Variants in PIK3C2B observed in about 807,000 individuals in gnomAD.
PIK3C2B encodes phosphatidylinositol 4-phosphate 3-kinase C2 domain-containing subunit beta.
In PIK3C2B, 83 loss-of-function variants were observed where a neutral mutation model predicts 184.3. The observed-to-expected ratio is 0.45, with a 90% CI of 0.38 to 0.54. The LOEUF (loss-of-function observed/expected upper bound fraction) is 0.54. PIK3C2B is among the 20% of genes least tolerant of loss of function. The pLI is 0.00. For missense variants in PIK3C2B, 1,736 were observed against 2,113.5 expected (o/e 0.82, Z 3.50); for synonymous variants, 779 against 837.6 (o/e 0.93, Z 1.21).
At chr1:204,444,581 C>T (rs1447936908) in intron 16 of PIK3C2B, among the ~76,000 whole-genome samples, 157 bp from the exon 17 acceptor site, 1 of 152,198 alleles carries the variant, frequency 6.6e-6, no homozygotes, top group East Asian at 1.9e-4. Flanking sequence ...TAGCAACTTC[C>T]CTGGATAGCA....
intron 10 of PIK3C2B, chr1:204,456,331 A>T (rs570688859): frequency 3.2e-6 from 1 of 314,084 alleles, no homozygotes; most frequent in African/African-American, 2.1e-5. Flanking sequence ...TTTAGGAAAC[A>T]GTGTTAATAA....
At position 204,486,896 on chromosome 1, in the gene PIK3C2B, C is replaced by A. The variant is rs528391100; in HGVS notation, c.-85+7460G>T. 5.5e-4 allele frequency among the ~76,000 whole-genome samples: 84 copies of A among 152,296 alleles called. 1 individual carries two copies. The Middle Eastern group carries it at 0.014, about 25-fold the overall frequency. On this transcript the variant is annotated intron_variant, in intron 1 of 32. Transcript: ENST00000684373. ...AATCTCCGCTCACTGCAATCTCCAC[C>A]TCCTGGATTCAAGCAATTATCCTGC...
intron 1 of PIK3C2B, among the ~76,000 whole-genome samples, chr1:204,479,581 T>C (rs772535083): frequency 6.6e-6 from 1 of 152,200 alleles, no homozygotes; most frequent in Non-Finnish European, 1.5e-5. Context: ...ACAAAGGTCC[T>C]CTGAAAGAGG....
intron 2 of PIK3C2B, among the ~76,000 whole-genome samples, chr1:204,467,788 T>C (rs1489846188): frequency 3.1e-5 from 4 of 130,930 alleles, no homozygotes; most frequent in African/African-American, 1.2e-4. Flanking sequence ...TGAGCCAAGA[T>C]AGCGCCACTG....
rs1361242361 is a variant in PIK3C2B, at chr1:204,469,476, T to A, written c.327A>T (p.Gln109His). 1 of 1,605,140 alleles carries A rather than the reference T, an allele frequency of 6.2e-7. No homozygotes were observed. Among genetic ancestry groups the A allele is most frequent in the South Asian group, 1.1e-5 (1 of 89,356 alleles). The change falls in exon 2 of 33, where the codon CAA becomes CAT. Residue 109 changes from glutamine to histidine, a missense_variant. By Grantham distance (24) the Gln-to-His change is conservative. Transcript: ENST00000684373. ...AGGGATCTGAGCCAGGCTGTGGCCC[T>A]TGGGAGGTAGAGTGGTTGGGCGGCC... Reference protein sequence around the residue: ...QEGPPNHSTSQGPQPGSDPWP... With the variant: ...QEGPPNHSTSHGPQPGSDPWP...
Position 204,433,109 on chromosome 1 carries a change from AAC to A in PIK3C2B, c.3953+205_3953+206del, listed in dbSNP as rs1342425571. On this transcript the variant is annotated intron_variant, in intron 26 of 32. Coordinates refer to ENST00000684373, the MANE Select transcript of PIK3C2B (RefSeq NM_001377334.1). The surrounding 1 kb of genome is among the most constrained non-coding windows in gnomAD (Gnocchi z 5.0). ...CCTTGTGTGCAAAGGTTAGCACCAA[AAC>A]ACAGATGGGAAACCAAGGCTGAGAG... Among the ~76,000 whole-genome samples the A allele has an allele frequency of 6.6e-6, 1 of 152,250 alleles. No homozygotes were observed. Among genetic ancestry groups the A allele is most frequent in the Non-Finnish European group, 1.5e-5 (1 of 68,044 alleles).
intron 16 of PIK3C2B, among the ~76,000 whole-genome samples, chr1:204,445,534 C>T (rs1255942396): frequency 3.4e-5 from 5 of 147,820 alleles, no homozygotes; most frequent in Non-Finnish European, 7.4e-5. Flanking sequence ...CCCAGGAGGT[C>T]GAGGCTGCAG....
chr1:204,444,758 C>T (rs1653705163), intron 16 of PIK3C2B, among the ~76,000 whole-genome samples: 1 of 152,204 alleles, frequency 6.6e-6, no homozygotes, highest in Admixed American at 6.5e-5. Flanking sequence ...AAATTCCTGC[C>T]ATTGGAGGGC....
In PIK3C2B at chr1:204,444,137, T is replaced by C; in HGVS notation, c.2798A>G (p.Asp933Gly). 1 of 1,613,694 alleles carries C rather than the reference T, an allele frequency of 6.2e-7. No individual in the cohort carries two copies. The highest frequency in any genetic ancestry group is 8.5e-7 in the Non-Finnish European group (1 of 1,179,534). ...CAGGAGGAAGCGCACCAACGGGCTGTCCAGGTAGCATTCATACTTCAGGGC... is the reference window on the plus strand; with the variant it reads ...CAGGAGGAAGCGCACCAACGGGCTGCCCAGGTAGCATTCATACTTCAGGGC... ...VQALKYECYL[D>G]SPLVRFLLKR... The change falls in exon 18 of 33, where the codon GAC becomes GGC. Residue 933 changes from aspartate (D) to glycine (G), a missense_variant. Asp to Gly is a moderately conservative substitution (Grantham distance 94, BLOSUM62 -1). Transcript: ENST00000684373.
At chr1:204,446,755 G>A (rs1245718971) in intron 15 of PIK3C2B, among the ~76,000 whole-genome samples, 3 of 152,120 alleles carry the variant, frequency 2.0e-5, no homozygotes, top group African/African-American at 7.2e-5. Context: ...GTCTGCGGTC[G>A]CTCAGCTACT....
At chr1:204,476,156 C>G (rs1189507349) in intron 1 of PIK3C2B, among the ~76,000 whole-genome samples, 10 of 152,166 alleles carry the variant, frequency 6.6e-5, no homozygotes, top group African/African-American at 2.2e-4. Flanking sequence ...AAAATTCAAG[C>G]CCTAGATTTC....
At chr1:204,429,876 T>G in intron 29 of PIK3C2B, 45 bp downstream of exon 29, 1 of 1,291,186 alleles carries the variant, frequency 7.7e-7, no homozygotes, top group Non-Finnish European at 1.1e-6. Flanking sequence ...TCCCCAACCA[T>G]CCCCACCAGC....
Position 204,441,536 on chromosome 1 carries a change from C to T in PIK3C2B, c.3184G>A (p.Val1062Ile). The T allele has an allele frequency of 3.1e-6, 5 of 1,612,980 alleles. No homozygotes were observed. The highest frequency in any genetic ancestry group is 3.4e-6 in the Non-Finnish European group (4 of 1,179,014). ...RDCSYFNSNA[V>I]PLKLSFQNVD... ...TTTTGGAAGGAGAGTTTGAGGGGGA[C>T]AGCATTGGAGTTGAAGTAGGAACAG... The change falls in exon 21 of 33, where the codon GTC becomes ATC. Residue 1062 changes from valine to isoleucine, a missense_variant. This residue lies in a region of PIK3C2B where 289 missense variants were observed against 380.4 expected (regional missense o/e 0.76). Coordinates refer to ENST00000684373, the MANE Select transcript of PIK3C2B (RefSeq NM_001377334.1).
chr1:204,480,020 G>A (rs141983957), intron 1 of PIK3C2B, among the ~76,000 whole-genome samples: 15 of 152,260 alleles, frequency 9.9e-5, no homozygotes, highest in Non-Finnish European at 1.8e-4. Flanking sequence ...CACTGGGCTC[G>A]GCGGGGCCGG....
Position 204,429,578 on chromosome 1 carries a change from TA to T in PIK3C2B, c.4398+342del, listed in dbSNP as rs200720649. Among the ~76,000 whole-genome samples, 14 of 151,852 alleles carry T rather than the reference TA, an allele frequency of 9.2e-5. No homozygotes were observed. In the South Asian group the frequency reaches 2.5e-3, roughly 27 times the overall value. ...TAGGGCCATTATACTACTATTTGTTTAAAAAAAAATCTAGGTTGATAATACA... is the reference window on the plus strand; with the variant it reads ...TAGGGCCATTATACTACTATTTGTTTAAAAAAAATCTAGGTTGATAATACA... On this transcript the variant is annotated intron_variant, in intron 29 of 32. Transcript: ENST00000684373.
rs1349741919 is a variant in PIK3C2B at position 204,472,860 on chromosome 1, T to A, written c.-84-2974A>T. Among the ~76,000 whole-genome samples the A allele has an allele frequency of 1.3e-5, 2 of 152,162 alleles. 1 individual carries two copies. The highest frequency in any genetic ancestry group is 1.3e-4 in the Admixed American group (2 of 15,272). ...TCTGTGGTAGGGTAATGGTATTTTT[T>A]AAAAACTCCCCAGGAGATTCTAATG... is the stretch of plus-strand genomic sequence containing the variant. On this transcript the variant is annotated intron_variant, in intron 1 of 32. Transcript: ENST00000684373.
In PIK3C2B at chr1:204,442,444, G is replaced by A. The variant is rs1417749025; in HGVS notation, c.3156+82C>T. ...TGACGCCCAGACAACTCAGCTCCTCGACCTTGCATGCCTGGTTAGTGAAGA... is the reference window on the plus strand; with the variant it reads ...TGACGCCCAGACAACTCAGCTCCTCAACCTTGCATGCCTGGTTAGTGAAGA... On this transcript the variant is annotated intron_variant, in intron 20 of 32. Coordinates refer to ENST00000684373, the MANE Select transcript of PIK3C2B (RefSeq NM_001377334.1). 1.2e-4 allele frequency: 103 copies of A among 883,924 alleles called. 1 individual carries two copies. The highest frequency in any genetic ancestry group is 7.5e-4 in the South Asian group (51 of 67,806). 54.8% of individuals were successfully genotyped at this position (883,924 alleles called of 1,614,324 possible).
intron 1 of PIK3C2B, among the ~76,000 whole-genome samples, chr1:204,473,918 A>G (rs1656490890): frequency 6.6e-6 from 1 of 151,574 alleles, no homozygotes; most frequent in Non-Finnish European, 1.5e-5. Context: ...TTTTCTCTTC[A>G]GCACATAAAC....
In PIK3C2B at chr1:204,422,911, G is replaced by T. The variant is rs1243987057; in HGVS notation, c.*1941C>A. 6.6e-6 allele frequency: 1 copy of T among 152,538 alleles called. No homozygotes were observed. The highest frequency in any genetic ancestry group is 2.4e-5 in the African/African-American group (1 of 41,426). The allele number at this position is 152,538 out of a possible 1,614,324, so 9.4% of individuals were successfully genotyped here. On this transcript the variant is annotated 3_prime_UTR_variant, in exon 33 of 33. Coordinates refer to ENST00000684373, the MANE Select transcript of PIK3C2B (RefSeq NM_001377334.1). ...TAGAGAAAATTTAAACTTCCATGCT[G>T]CCCTGTGGCTTCGGTCAATGGAGCT...
Sources: gnomAD v4.1 joint callset for allele counts (sites outside exome capture counted in the v4.1 genomes callset) on GRCh38, gnomAD v4.1.1 for gene constraint, gnomAD v4.1.1 regional missense constraint, Gnocchi (gnomAD v3.1) non-coding constraint, MANE v1.5 for transcripts, NCBI Gene and HGNC (gene_info 2026-07-23, HGNC 2026-07-21) for gene names.